Variants in GRM8 observed in about 807,000 individuals in gnomAD.
GRM8 encodes the protein glutamate metabotropic receptor 8, also known as metabotropic glutamate receptor 8.
GRM8 carries 47 observed loss-of-function variants against 87.2 expected under a neutral mutation model. The observed-to-expected ratio is 0.54, with a 90% CI of 0.43 to 0.69. The LOEUF (loss-of-function observed/expected upper bound fraction) is 0.69. GRM8 is among the 30% of genes least tolerant of loss of function. The probability of loss-of-function intolerance (pLI) is 0.00; values close to 1 mark genes in which losing one functional copy is unlikely to be tolerated. For synonymous variants in GRM8, 396 were observed against 404.5 expected (o/e 0.98, Z 0.25); for missense variants, 1,019 against 1,139.2 (o/e 0.89, Z 1.52).
At chr7:126,476,548 T>C (rs1018360085) in intron 9 of GRM8, among the ~76,000 whole-genome samples, 2 of 152,060 alleles carry the variant, frequency 1.3e-5, no homozygotes, top group African/African-American at 4.8e-5. Flanking sequence ...TATAACTCAA[T>C]AGCAAAAGAA....
chr7:127,156,971 A>G (rs1410730391), intron 2 of GRM8, among the ~76,000 whole-genome samples: 1 of 152,204 alleles, frequency 6.6e-6, no homozygotes, highest in Non-Finnish European at 1.5e-5. Context: ...TGGAAAAGAA[A>G]AAAGATATAA....
intron 2 of GRM8, among the ~76,000 whole-genome samples, chr7:127,187,604 G>A (rs767548721): frequency 1.1e-4 from 17 of 152,090 alleles, no homozygotes; most frequent in East Asian, 1.9e-4. Context: ...TCACATACGC[G>A]CATTTGGTGT....
chr7:127,220,690 T>C (rs1211307515), intron 2 of GRM8, among the ~76,000 whole-genome samples: 4 of 152,134 alleles, frequency 2.6e-5, no homozygotes, highest in Admixed American at 6.5e-5. Context: ...TGTCTCAGTA[T>C]GTTGCCCAGG....
At chr7:126,519,734 T>G (rs552812591) in intron 9 of GRM8, among the ~76,000 whole-genome samples, 2 of 152,152 alleles carry the variant, frequency 1.3e-5, no homozygotes, top group Non-Finnish European at 2.9e-5. Flanking sequence ...AAGAACTTTA[T>G]GGCAAAAATC....
intron 8 of GRM8, among the ~76,000 whole-genome samples, chr7:126,554,878 T>A (rs1254053830): frequency 6.6e-6 from 1 of 152,208 alleles, no homozygotes; most frequent in African/African-American, 2.4e-5. Context: ...GATTTATCAT[T>A]CTTAAAGAAC....
Position 127,144,255 on chromosome 7 carries a change from AG to A in GRM8, c.511-37544del, listed in dbSNP as rs1354321377. Among the ~76,000 whole-genome samples the A allele has an allele frequency of 9.2e-5, 14 of 152,264 alleles. No individual in the cohort carries two copies. The South Asian group carries it at 2.9e-3, about 32-fold the overall frequency. On this transcript the variant is annotated intron_variant, in intron 2 of 10. Transcript: ENST00000339582. ...ATTAAAGTCATAAAGTTTATCAAGA[AG>A]AAAAAGAAAAGAATAAGTTCTTTAA...
chr7:126,560,125 G>A (rs530123636), intron 8 of GRM8, among the ~76,000 whole-genome samples: 51 of 152,266 alleles, frequency 3.3e-4, no homozygotes, highest in Admixed American at 2.5e-3. Flanking sequence ...AGGCATGACC[G>A]ATTTTCTATT....
intron 8 of GRM8, among the ~76,000 whole-genome samples, chr7:126,565,847 A>G (rs1167736133): frequency 6.6e-6 from 1 of 152,162 alleles, no homozygotes; most frequent in African/African-American, 2.4e-5. Flanking sequence ...CATATAAGCC[A>G]ATAGAACAGA....
intron 6 of GRM8, among the ~76,000 whole-genome samples, chr7:126,871,714 C>A (rs974960605): frequency 5.3e-5 from 8 of 152,110 alleles, no homozygotes; most frequent in Non-Finnish European, 1.5e-5. Flanking sequence ...AAAGAGCCTG[C>A]CAATATATGA....
intron 2 of GRM8, among the ~76,000 whole-genome samples, chr7:127,212,353 A>G (rs1416323916): frequency 6.6e-6 from 1 of 150,754 alleles, no homozygotes; most frequent in Non-Finnish European, 1.5e-5. Context: ...ACGGTATTTG[A>G]TCTACAGCCT....
intron 3 of GRM8, among the ~76,000 whole-genome samples, chr7:126,910,723 G>T (rs371616393): frequency 6.6e-6 from 1 of 152,146 alleles, no homozygotes; most frequent in African/African-American, 2.4e-5. Context: ...ATTGATACAA[G>T]AGCAAATTTG....
intron 7 of GRM8, among the ~76,000 whole-genome samples, chr7:126,632,648 A>T (rs1801454087): frequency 6.6e-6 from 1 of 152,164 alleles, no homozygotes; most frequent in South Asian, 2.1e-4. Context: ...CCCATCAATA[A>T]GAGACTGGAT....
intron 6 of GRM8, among the ~76,000 whole-genome samples, chr7:126,882,033 G>A (rs994312044): frequency 6.6e-6 from 1 of 152,128 alleles, no homozygotes; most frequent in Non-Finnish European, 1.5e-5. Context: ...ACATCTTCAG[G>A]ATTTGGCAGG....
intron 3 of GRM8, among the ~76,000 whole-genome samples, chr7:127,008,554 T>C (rs1026646463): frequency 4.6e-5 from 7 of 152,168 alleles, no homozygotes; most frequent in Admixed American, 2.6e-4. Flanking sequence ...TTGTGTTTTA[T>C]GTTGAAATTT....
At chr7:127,123,259 C>T (rs190066389) in intron 2 of GRM8, among the ~76,000 whole-genome samples, 6 of 152,218 alleles carry the variant, frequency 3.9e-5, no homozygotes, top group African/African-American at 9.6e-5. Context: ...ACAACTGCTA[C>T]GGTTTGAATG....
At chr7:126,580,127 G>C (rs1269694327) in intron 8 of GRM8, among the ~76,000 whole-genome samples, 2 of 151,960 alleles carry the variant, frequency 1.3e-5, no homozygotes, top group Non-Finnish European at 2.9e-5. Context: ...TTTTCTCTGA[G>C]GGCCATCTTT....
intron 3 of GRM8, among the ~76,000 whole-genome samples, chr7:126,983,667 G>T (rs1042205020): frequency 7.9e-5 from 12 of 152,156 alleles, no homozygotes; most frequent in African/African-American, 2.7e-4. Flanking sequence ...GTAAGGAAGG[G>T]TATGCGTGGA....
intron 8 of GRM8, among the ~76,000 whole-genome samples, chr7:126,589,363 T>C (rs1165197443): frequency 6.6e-6 from 1 of 152,064 alleles, no homozygotes; most frequent in South Asian, 2.1e-4. Context: ...TGTCCCCCAC[T>C]TCCCTGGCAA....
intron 6 of GRM8, among the ~76,000 whole-genome samples, chr7:126,799,991 A>G (rs1021674348): frequency 2.6e-5 from 4 of 152,100 alleles, no homozygotes; most frequent in African/African-American, 9.7e-5. Flanking sequence ...AGTTCCAATT[A>G]CCTTTTCAGA....
Sources: gnomAD v4.1 joint callset for allele counts (sites outside exome capture counted in the v4.1 genomes callset) on GRCh38, gnomAD v4.1.1 for gene constraint, MANE v1.5 for transcripts, NCBI Gene and HGNC (gene_info 2026-07-23, HGNC 2026-07-21) for gene names.